ITCH: variants seen among roughly 807,000 people sequenced by gnomAD.
ITCH encodes itchy E3 ubiquitin protein ligase.
Under a neutral mutation model 126.8 loss-of-function variants are expected in ITCH, and 28 were observed. That is an observed-to-expected ratio of 0.22 (90% CI 0.16 to 0.30). ITCH has a LOEUF of 0.30. ITCH is among the 10% of genes least tolerant of loss of function. ITCH has a pLI of 1.00. For synonymous variants in ITCH, 342 were observed against 340.0 expected, an observed-to-expected ratio of 1.01 and a Z score of -0.06; for missense variants, 631 against 1,032.4, an observed-to-expected ratio of 0.61 and a Z score of 5.33.
At chr20:34,469,588 G>C (rs970262196) in intron 14 of ITCH, among the ~76,000 whole-genome samples, 1 of 152,082 alleles carries the variant, frequency 6.6e-6, no homozygotes, top group Admixed American at 6.5e-5. Context: ...ACTGCACCTG[G>C]CCAAAAAGAT....
intron 2 of ITCH, among the ~76,000 whole-genome samples, chr20:34,378,017 A>G (rs931678368): frequency 1.3e-5 from 2 of 151,676 alleles, no homozygotes; most frequent in African/African-American, 4.8e-5. Context: ...TATACTTCTC[A>G]TGAAACTTTT....
intron 7 of ITCH, among the ~76,000 whole-genome samples, chr20:34,437,594 A>G (rs1186684874): frequency 6.6e-6 from 1 of 152,198 alleles, no homozygotes; most frequent in Non-Finnish European, 1.5e-5. Context: ...AGCGTGAGCC[A>G]CAGCACCCGG....
At chr20:34,409,640 G>T (rs1358806372) in intron 4 of ITCH, among the ~76,000 whole-genome samples, 1 of 152,030 alleles carries the variant, frequency 6.6e-6, no homozygotes, top group African/African-American at 2.4e-5. Context: ...CTTAATATGG[G>T]TGGACTATAT....
At chr20:34,420,589 T>C (rs1006661122) in intron 6 of ITCH, among the ~76,000 whole-genome samples, 1 of 152,236 alleles carries the variant, frequency 6.6e-6, no homozygotes, top group Admixed American at 6.5e-5. Context: ...TCATTTCTTT[T>C]GGATATATAC....
At chr20:34,438,170 C>T (rs1983261214) in intron 7 of ITCH, among the ~76,000 whole-genome samples, 1 of 152,158 alleles carries the variant, frequency 6.6e-6, no homozygotes, top group African/African-American at 2.4e-5. Flanking sequence ...TGTTCCTGTT[C>T]ATATAGGGCC....
Position 34,489,939 on chromosome 20 carries a change from A to T in ITCH, c.2319+13A>T. 1 of 1,582,306 alleles carries T rather than the reference A, an allele frequency of 6.3e-7. No individual in the cohort carries two copies. Among genetic ancestry groups the T allele is most frequent in the Non-Finnish European group, 8.7e-7 (1 of 1,151,642 alleles). On this transcript the variant is annotated intron_variant, in intron 22 of 24. Coordinates refer to ENST00000374864, the MANE Select transcript of ITCH (RefSeq NM_031483.7). ...GTGGTTTTGGCAGGTTTGTTTTTAA[A>T]TTTATTTCTATTAGTTGACACAGCA... is the stretch of plus-strand genomic sequence containing the variant.
At chr20:34,505,316 T>C (rs1463884111) in intron 24 of ITCH, among the ~76,000 whole-genome samples, 1 of 152,116 alleles carries the variant, frequency 6.6e-6, no homozygotes, top group African/African-American at 2.4e-5. Flanking sequence ...AGTGTTGGGA[T>C]TACAGGTGTG....
intron 1 of ITCH, among the ~76,000 whole-genome samples, chr20:34,367,401 A>T (rs1347557384): frequency 7.2e-5 from 11 of 152,334 alleles, no homozygotes; most frequent in Non-Finnish European, 1.5e-4. Flanking sequence ...GCCTCTAAAA[A>T]GTATTGATCT....
At chr20:34,472,389 A>C (rs1011640793) in intron 16 of ITCH, among the ~76,000 whole-genome samples, 4 of 48,410 alleles carry the variant, frequency 8.3e-5, no homozygotes, top group African/African-American at 2.4e-4. Context: ...AAAAAAAAAA[A>C]AAAAAAAACT....
chr20:34,377,842 G>C (rs1755954595), intron 2 of ITCH, among the ~76,000 whole-genome samples: 1 of 150,818 alleles, frequency 6.6e-6, no homozygotes, highest in African/African-American at 2.4e-5. Flanking sequence ...CAGTACTCCA[G>C]CCTAGGCAAC....
Position 34,510,470 on chromosome 20 carries a change from T to TTA in ITCH, c.*2676_*2677insTA, listed in dbSNP as rs1491500486. The TTA allele has an allele frequency of 1.2e-4, 14 of 112,526 alleles. No homozygotes were observed. The East Asian group carries it at 2.6e-3, about 21-fold the overall frequency. The allele number at this position is 112,526 out of a possible 1,614,324, so 7.0% of individuals were successfully genotyped here. A position where few individuals can be genotyped will look rare whatever the true frequency, so the allele number is the denominator to read the frequency against. On this transcript the variant is annotated 3_prime_UTR_variant, in exon 25 of 25. Coordinates refer to ENST00000374864, the MANE Select transcript of ITCH (RefSeq NM_031483.7). ...TTTTTTTTTTTTTTTTTTTTTTTTT[T>TTA]ACTGCATGTTACATTGAAATAAAAA...
At chr20:34,451,347 C>G (rs1227190280) in intron 12 of ITCH, among the ~76,000 whole-genome samples, 1 of 151,504 alleles carries the variant, frequency 6.6e-6, no homozygotes, top group African/African-American at 2.4e-5. Flanking sequence ...ATAGTCCCAG[C>G]TACTCTTGAG....
intron 6 of ITCH, among the ~76,000 whole-genome samples, chr20:34,418,617 A>T (rs916196756): frequency 1.3e-5 from 2 of 152,146 alleles, no homozygotes; most frequent in Non-Finnish European, 2.9e-5. Flanking sequence ...AACTAATTTT[A>T]TAGAGATAAA....
intron 2 of ITCH, among the ~76,000 whole-genome samples, chr20:34,381,739 G>T (rs185389517): frequency 6.6e-4 from 101 of 151,910 alleles, no homozygotes; most frequent in Non-Finnish European, 1.5e-5. Context: ...GTGCCTGTAT[G>T]TAGTCCCAGC....
At chr20:34,363,861 C>T (rs1290088478) in intron 1 of ITCH, among the ~76,000 whole-genome samples, 3 of 152,162 alleles carry the variant, frequency 2.0e-5, no homozygotes, top group African/African-American at 7.2e-5. Flanking sequence ...GCCTCCCCTT[C>T]TCTCTCCCAC....
chr20:34,502,908 A>T (rs1371435156), intron 23 of ITCH, among the ~76,000 whole-genome samples: 1 of 151,786 alleles, frequency 6.6e-6, no homozygotes, highest in Non-Finnish European at 1.5e-5. Context: ...AATCACAGCT[A>T]CTCTAAGGCA....
In ITCH at chr20:34,507,926, C is replaced by G. The variant is rs1352051508; in HGVS notation, c.*132C>G. 2.8e-6 allele frequency: 2 copies of G among 709,170 alleles called. No homozygotes were observed. Among genetic ancestry groups the G allele is most frequent in the Non-Finnish European group, 5.1e-6 (2 of 395,860 alleles). 43.9% of individuals were successfully genotyped at this position (709,170 alleles called of 1,614,324 possible). On this transcript the variant is annotated 3_prime_UTR_variant, in exon 25 of 25. Transcript: ENST00000374864. The stretch of plus-strand genomic sequence containing the variant: ...ATCTGAGTGTAAGTAAATTAATGTT[C>G]TCATTTAGATTTATCTCCCAGTGAT...
At chr20:34,461,639 G>T (rs1204867598) in intron 13 of ITCH, among the ~76,000 whole-genome samples, 2 of 151,058 alleles carry the variant, frequency 1.3e-5, no homozygotes, top group East Asian at 3.9e-4. Context: ...AACCTGGGAG[G>T]TGGAGGTTGC....
intron 14 of ITCH, among the ~76,000 whole-genome samples, chr20:34,467,379 A>G (rs1414044960): frequency 6.6e-6 from 1 of 152,024 alleles, no homozygotes; most frequent in Non-Finnish European, 1.5e-5. Flanking sequence ...AATACAAAAT[A>G]TTAGCTGGGT....
Sources: allele counts gnomAD v4.1 joint callset (sites outside exome capture counted in the v4.1 genomes callset), GRCh38; gene constraint gnomAD v4.1.1; transcripts MANE v1.5; gene names NCBI Gene and HGNC (gene_info 2026-07-23, HGNC 2026-07-21).